TVP23B: variants seen among roughly 807,000 people sequenced by gnomAD.
The protein encoded by TVP23B is trans-golgi network vesicle protein 23 homolog B.
A neutral mutation model predicts 30.6 loss-of-function variants in TVP23B; 10 were observed. The ratio of observed to expected loss-of-function variants is 0.33; its 90% CI spans 0.20 to 0.55. The LOEUF (loss-of-function observed/expected upper bound fraction) is 0.55. Among genes scored for constraint, TVP23B ranks in the 20% least tolerant of loss-of-function variants. The pLI, the probability that TVP23B is intolerant of heterozygous loss-of-function variation, is 0.91. For synonymous variants in TVP23B, 67 were observed against 83.1 expected (o/e 0.81, Z 1.06); for missense variants, 153 against 243.2 (o/e 0.63, Z 2.47).
intron 5 of TVP23B, among the ~76,000 whole-genome samples, chr17:18,803,718 T>C (rs1182894060): frequency 6.6e-6 from 1 of 152,260 alleles, no homozygotes; most frequent in East Asian, 1.9e-4. Flanking sequence ...GCTCTCAGTT[T>C]ATTGAACTTG....
intron 1 of TVP23B, among the ~76,000 whole-genome samples, chr17:18,783,167 G>T (rs1263132786): frequency 6.6e-5 from 10 of 151,276 alleles, no homozygotes; most frequent in African/African-American, 2.2e-4. Context: ...GTACAATGGT[G>T]TGATCTCGGC....
At chr17:18,784,132 C>A (rs1344694937) in intron 1 of TVP23B, among the ~76,000 whole-genome samples, 1 of 139,980 alleles carries the variant, frequency 7.1e-6, no homozygotes, top group Non-Finnish European at 1.5e-5. Context: ...GCGACAGAGC[C>A]AGACTCCGTC....
At chr17:18,790,779 C>G (rs887294147) in intron 2 of TVP23B, 117 bp from the exon 3 acceptor site, 17 of 1,493,864 alleles carry the variant, frequency 1.1e-5, no homozygotes, top group Non-Finnish European at 1.5e-5. Context: ...AAAGTCACCT[C>G]TTTTATTTTG....
chr17:18,794,847 G>A (rs1567634917), intron 3 of TVP23B, among the ~76,000 whole-genome samples: 1 of 147,092 alleles, frequency 6.8e-6, no homozygotes, highest in Non-Finnish European at 1.5e-5. Flanking sequence ...TTCTTCTCCT[G>A]TATTCCCTTC....
chr17:18,792,309 T>TACAG (rs1358463915), intron 3 of TVP23B, among the ~76,000 whole-genome samples: 1 of 152,204 alleles, frequency 6.6e-6, no homozygotes, highest in Non-Finnish European at 1.5e-5. Context: ...GTGCTGGGAT[T>TACAG]ACAGGCGTGA....
At chr17:18,799,622 A>T (rs954601080) in intron 5 of TVP23B, among the ~76,000 whole-genome samples, 1 of 152,178 alleles carries the variant, frequency 6.6e-6, no homozygotes, top group Admixed American at 6.5e-5. Flanking sequence ...GTGCTAGAAG[A>T]CTTTGTGGAA....
At position 18,804,267 on chromosome 17, in the gene TVP23B, G is replaced by A. The variant is rs1415036160; in HGVS notation, c.591+1G>A. The A allele has an allele frequency of 6.2e-7, 1 of 1,601,874 alleles. No individual in the cohort carries two copies. Among genetic ancestry groups the A allele is most frequent in the Non-Finnish European group, 8.5e-7 (1 of 1,172,916 alleles). ...TTTTGGAAAGCAGTTTTTAAGACAAGTAAGTGTTTTCTGGATGTGATCAGT... is the reference window on the plus strand; with the variant it reads ...TTTTGGAAAGCAGTTTTTAAGACAAATAAGTGTTTTCTGGATGTGATCAGT... On this transcript the variant is annotated splice_donor_variant, in intron 6 of 6. Coordinates refer to ENST00000307767, the MANE Select transcript of TVP23B (RefSeq NM_016078.6). LOFTEE classifies it high-confidence loss of function.
chr17:18,796,340 T>C (rs2036076023), intron 3 of TVP23B: 2 of 152,304 alleles, frequency 1.3e-5, no homozygotes, highest in African/African-American at 4.8e-5. Flanking sequence ...GGTTGGGAGT[T>C]CGAGACCAGC....
intron 3 of TVP23B, among the ~76,000 whole-genome samples, chr17:18,792,720 C>A (rs1463712296): frequency 1.3e-5 from 2 of 152,000 alleles, no homozygotes; most frequent in East Asian, 3.8e-4. Context: ...TGTTTTTAAA[C>A]AAGGGCTTAA....
intron 3 of TVP23B, among the ~76,000 whole-genome samples, chr17:18,795,495 C>G (rs1475908060): frequency 6.6e-6 from 1 of 152,138 alleles, no homozygotes; most frequent in African/African-American, 2.4e-5. Context: ...GGCATCAGTG[C>G]CTGCTGCTCT....
chr17:18,803,497 T>C (rs2589690), intron 5 of TVP23B, among the ~76,000 whole-genome samples: 32,859 of 152,178 alleles, frequency 0.22, 4,058 homozygotes, highest in East Asian at 0.55. Flanking sequence ...GGTTTTGAGT[T>C]TCTTTTTCTC....
chr17:18,799,542 A>G (rs974489467), intron 5 of TVP23B, among the ~76,000 whole-genome samples: 3 of 152,190 alleles, frequency 2.0e-5, no homozygotes, highest in African/African-American at 7.2e-5. Flanking sequence ...ATGTCATAGC[A>G]TCGCTTCTGC....
intron 5 of TVP23B, among the ~76,000 whole-genome samples, chr17:18,801,467 C>T (rs1266014662): frequency 1.3e-5 from 2 of 152,156 alleles, no homozygotes; most frequent in Non-Finnish European, 1.5e-5. Flanking sequence ...GTCTGAGGCA[C>T]GTGGCTGCTG....
intron 3 of TVP23B, among the ~76,000 whole-genome samples, chr17:18,795,532 A>G (rs2036064531): frequency 6.6e-6 from 1 of 152,162 alleles, no homozygotes; most frequent in Non-Finnish European, 1.5e-5. Context: ...TTCCTCCCAC[A>G]TCACCTTCAT....
chr17:18,804,905 T>G (rs997426897), intron 6 of TVP23B, among the ~76,000 whole-genome samples: 4 of 151,394 alleles, frequency 2.6e-5, no homozygotes, highest in African/African-American at 9.7e-5. Flanking sequence ...TGTATGGTTT[T>G]AGGGAGAACA....
intron 3 of TVP23B, among the ~76,000 whole-genome samples, chr17:18,792,226 G>A (rs557840324): frequency 1.3e-5 from 2 of 151,976 alleles, no homozygotes; most frequent in African/African-American, 2.4e-5. Context: ...AGTACAGACG[G>A]GGTTTCTCCA....
At chr17:18,794,461 G>A (rs2036045070) in intron 3 of TVP23B, among the ~76,000 whole-genome samples, 1 of 152,100 alleles carries the variant, frequency 6.6e-6, no homozygotes, top group Admixed American at 6.5e-5. Context: ...GTAAATATAG[G>A]TTATTTATAC....
At chr17:18,802,657 A>G (rs1032014964) in intron 5 of TVP23B, among the ~76,000 whole-genome samples, 10 of 152,170 alleles carry the variant, frequency 6.6e-5, no homozygotes, top group African/African-American at 2.4e-4. Context: ...TTGTGTTTTT[A>G]AAAATGCTGT....
At chr17:18,789,207 T>C in intron 1 of TVP23B, 146 bp from the exon 2 acceptor site, 1 of 1,270,522 alleles carries the variant, frequency 7.9e-7, no homozygotes, top group Non-Finnish European at 1.1e-6. Context: ...AGGATCTGCA[T>C]GTGTCCTTTT....
Sources: allele counts gnomAD v4.1 joint callset (sites outside exome capture counted in the v4.1 genomes callset), GRCh38; gene constraint gnomAD v4.1.1; transcripts MANE v1.5; gene names NCBI Gene and HGNC (gene_info 2026-07-23, HGNC 2026-07-21).